The following CS variants were observed in gnomAD, a reference collection of about 807,000 sequenced individuals.
CS encodes citrate synthase, also known as citrate synthase, mitochondrial.
In CS, 13 loss-of-function variants were observed where a neutral mutation model predicts 61.4. The ratio of observed to expected loss-of-function variants is 0.21; its 90% confidence interval spans 0.14 to 0.34. The LOEUF (loss-of-function observed/expected upper bound fraction) is 0.34. Among genes scored for constraint, CS ranks in the 10% least tolerant of loss-of-function variants. CS has a pLI of 1.00. For missense variants in CS, 278 were observed against 573.4 expected (o/e 0.48, Z 5.26); for synonymous variants, 159 against 215.2 (o/e 0.74, Z 2.29).
At chr12:56,276,319 G>T in intron 6 of CS, 124 bp from the exon 7 acceptor site, 1 of 767,468 alleles carries the variant, frequency 1.3e-6, no homozygotes, top group Non-Finnish European at 2.2e-6. Context: ...TATATGATGG[G>T]TTGTTATATA....
chr12:56,278,816 C>T (rs1872695725), intron 6 of CS, among the ~76,000 whole-genome samples: 1 of 152,102 alleles, frequency 6.6e-6, no homozygotes. Context: ...CTCTGTCACC[C>T]AGGCTGGAGT....
intron 1 of CS, chr12:56,291,110 TAAGTA>T (rs1873110660): frequency 1.2e-5 from 6 of 480,232 alleles, no homozygotes; most frequent in African/African-American, 4.4e-5. Context: ...TCAGAGTAGT[TAAGTA>T]AACTAAATAA....
intron 2 of CS, 183 bp from the exon 3 acceptor site, chr12:56,286,206 T>C: frequency 1.7e-6 from 1 of 593,032 alleles, no homozygotes; most frequent in Non-Finnish European, 3.0e-6. Context: ...GAGGAGTTAA[T>C]GTTTAATGGG....
rs368682729 is a variant in CS, at chr12:56,273,203, G to T, written c.1282C>A (p.Arg428=). 5 of 1,613,942 alleles carry T rather than the reference G, an allele frequency of 3.1e-6. No homozygotes were observed. In the African/African-American group the frequency reaches 4.0e-5, roughly 13 times the overall value. ...NYYTVLFGVS[R]ALGVLAQLIW... is the part of the protein sequence containing the mutation. ...AGCTGTGCCAGTACACCCAATGCTC[G>T]TGACACCCCAAACAGGACCGTGTAG... Residue 428 remains arginine, a synonymous_variant, in exon 11 of 11, where the codon CGA becomes AGA. Transcript: ENST00000351328.
intron 9 of CS, chr12:56,274,524 A>C (rs1592405082): frequency 1.1e-5 from 4 of 357,272 alleles, no homozygotes; most frequent in African/African-American, 6.4e-5. Flanking sequence ...TATTCACAGG[A>C]GTGATCTTAG....
chr12:56,279,066 C>T (rs527758312), intron 6 of CS, among the ~76,000 whole-genome samples: 2 of 152,222 alleles, frequency 1.3e-5, no homozygotes, highest in East Asian at 1.9e-4. Flanking sequence ...TGAGTCCCCA[C>T]GCCTGGCCTA....
At chr12:56,284,612 G>A (rs1382312359) in intron 3 of CS, among the ~76,000 whole-genome samples, 2 of 149,050 alleles carry the variant, frequency 1.3e-5, no homozygotes, top group South Asian at 2.1e-4. Flanking sequence ...TTAAAGAAAT[G>A]GGGTTTAGGC....
At chr12:56,273,891 T>C (rs1404168872) in intron 9 of CS, 95 bp from the exon 10 acceptor site, 1 of 1,074,336 alleles carries the variant, frequency 9.3e-7, no homozygotes, top group Admixed American at 1.9e-5. Flanking sequence ...TGGAGTGCAG[T>C]GGCATGATCA....
At chr12:56,273,446 C>T (rs1592404477) in intron 10 of CS, 141 bp downstream of exon 10, 2 of 1,011,372 alleles carry the variant, frequency 2.0e-6, no homozygotes, top group African/African-American at 1.6e-5. Context: ...CCCCAACCCC[C>T]AACCCTCTCA....
intron 2 of CS, 23 bp from the exon 3 acceptor site, chr12:56,286,046 T>G (rs1422870552): frequency 1.3e-6 from 2 of 1,569,250 alleles, no homozygotes; most frequent in South Asian, 2.2e-5. Flanking sequence ...GTAGAAGGAC[T>G]AAGCAATGGT....
intron 6 of CS, among the ~76,000 whole-genome samples, chr12:56,280,175 G>A (rs1028890265): frequency 2.6e-5 from 4 of 151,954 alleles, no homozygotes; most frequent in African/African-American, 9.7e-5. Context: ...CAGCACTTTG[G>A]GAGGCCGAGG....
Position 56,272,794 on chromosome 12 carries a change from A to C in CS, c.*290T>G. ...AACAGGAGCCAGATTCTCACTCTAG[A>C]GATAGTGAGGGGGCCAAACCTACTC... is the stretch of plus-strand genomic sequence containing the variant. On this transcript the variant is annotated 3_prime_UTR_variant, in exon 11 of 11. Coordinates refer to ENST00000351328, the MANE Select transcript of CS (RefSeq NM_004077.3). 1 of 238,538 alleles carries C rather than the reference A, an allele frequency of 4.2e-6. No individual in the cohort carries two copies. The highest frequency in any genetic ancestry group is 8.1e-6 in the Non-Finnish European group (1 of 123,426). 14.8% of individuals were successfully genotyped at this position (238,538 alleles called of 1,614,324 possible). A position where few individuals can be genotyped will look rare whatever the true frequency, so the allele number is the denominator to read the frequency against.
intron 3 of CS, among the ~76,000 whole-genome samples, chr12:56,284,908 A>G (rs551048737): frequency 1.3e-5 from 2 of 151,682 alleles, no homozygotes; most frequent in African/African-American, 4.8e-5. Flanking sequence ...AAAAAAAAAA[A>G]AAAAAACAGG....
intron 1 of CS, among the ~76,000 whole-genome samples, chr12:56,294,490 A>T (rs1274165587): frequency 2.0e-5 from 3 of 151,320 alleles, no homozygotes; most frequent in African/African-American, 7.3e-5. Flanking sequence ...AAAAAAAAAA[A>T]AAAAAAAGAT....
Position 56,272,177 on chromosome 12 carries a change from C to A in CS, c.*907G>T, listed in dbSNP as rs1226250643. 4 of 269,806 alleles carry A rather than the reference C, an allele frequency of 1.5e-5. No individual in the cohort carries two copies. In the East Asian group the frequency reaches 4.4e-4, roughly 30 times the overall value. The allele number at this position is 269,806 out of a possible 1,614,324, so 16.7% of individuals were successfully genotyped here. A position where few individuals can be genotyped will look rare whatever the true frequency, so the allele number is the denominator to read the frequency against. ...AAGACTCTGAAAATATCATGCTGGT[C>A]ATTCCGGAGTTCTATGCCCCACAGC... On this transcript the variant is annotated 3_prime_UTR_variant, in exon 11 of 11. Coordinates refer to ENST00000351328, the MANE Select transcript of CS (RefSeq NM_004077.3).
chr12:56,300,083 G>C, intron 1 of CS, 77 bp downstream of exon 1: 1 of 1,445,758 alleles, frequency 6.9e-7, no homozygotes, highest in Non-Finnish European at 9.4e-7. Context: ...GTGTGGGAGG[G>C]AGACCCCGGC....
In CS at chr12:56,283,813, T is replaced by A. The variant is rs764354725; in HGVS notation, c.246A>T (p.Thr82=). The A allele has an allele frequency of 1.2e-6, 2 of 1,612,954 alleles. No individual in the cohort carries two copies. Among genetic ancestry groups the A allele is most frequent in the Non-Finnish European group, 8.5e-7 (1 of 1,179,076 alleles). ...MRGMKGLVYE[T]SVLDPDEGIR... Reference sequence around the variant, plus strand: ...TTACCTCATCAGGATCAAGAACTGATGTTTCATAGACCAATCCCTTCATGC... The same window carrying A: ...TTACCTCATCAGGATCAAGAACTGAAGTTTCATAGACCAATCCCTTCATGC... The change falls in exon 4 of 11, where the codon ACA becomes ACT. Residue 82 remains threonine (T), a synonymous_variant. Transcript: ENST00000351328.
Position 56,274,993 on chromosome 12 carries a change from T to G in CS, c.918+9A>C. The G allele has an allele frequency of 6.2e-7, 1 of 1,613,698 alleles. No individual in the cohort carries two copies. ...ACATGTAGCAGGAAAATAAAAAGAA[T>G]AGTCTTACCTGATTTGCCAGTCCAT... is the stretch of plus-strand genomic sequence containing the variant. On this transcript the variant is annotated intron_variant, in intron 8 of 10. Coordinates refer to ENST00000351328, the MANE Select transcript of CS (RefSeq NM_004077.3).
At chr12:56,283,018 A>G in intron 4 of CS, 27 bp from the exon 5 acceptor site, 1 of 1,612,828 alleles carries the variant, frequency 6.2e-7, no homozygotes, top group Non-Finnish European at 8.5e-7. Flanking sequence ...GAGAATTACA[A>G]CTCAAGTTTA....
Sources: gnomAD v4.1 joint callset for allele counts (sites outside exome capture counted in the v4.1 genomes callset) on GRCh38, gnomAD v4.1.1 for gene constraint, MANE v1.5 for transcripts, NCBI Gene and HGNC (gene_info 2026-07-23, HGNC 2026-07-21) for gene names.